The following DAW1 variants were observed in gnomAD, a reference collection of about 807,000 sequenced individuals.
DAW1 encodes dynein assembly factor with WD repeat domains 1.
DAW1 carries 47 observed loss-of-function variants against 56.5 expected under a neutral mutation model. The ratio of observed to expected loss-of-function variants is 0.83; its 90% CI spans 0.66 to 1.06. The LOEUF is 1.06. DAW1 is among the 50% of genes least tolerant of loss of function. DAW1 has a pLI of 0.00. For missense variants in DAW1, 505 were observed against 499.3 expected (o/e 1.01, Z -0.11); for synonymous variants, 190 against 179.0 (o/e 1.06, Z -0.49).
chr2:227,887,340 T>C (rs1298056288), intron 2 of DAW1, among the ~76,000 whole-genome samples: 1 of 152,254 alleles, frequency 6.6e-6, no homozygotes, highest in Non-Finnish European at 1.5e-5. Flanking sequence ...TTGATGATGC[T>C]AGCATGCAGG....
intron 12 of DAW1, 69 bp from the exon 13 acceptor site, chr2:227,923,865 C>A: frequency 6.3e-7 from 1 of 1,582,724 alleles, no homozygotes; most frequent in Non-Finnish European, 8.6e-7. Context: ...AAAATGTCAA[C>A]TTGTAGAAAG....
At chr2:227,901,113 C>T (rs550890027) in intron 6 of DAW1, among the ~76,000 whole-genome samples, 1 of 152,108 alleles carries the variant, frequency 6.6e-6, no homozygotes, top group African/African-American at 2.4e-5. Flanking sequence ...AGTTATCAGC[C>T]AGTTGGGGAT....
intron 1 of DAW1, among the ~76,000 whole-genome samples, chr2:227,883,008 TC>T (rs1691046479): frequency 1.3e-5 from 2 of 152,226 alleles, no homozygotes; most frequent in African/African-American, 4.8e-5. Flanking sequence ...AATACAGTTG[TC>T]TTAAGGAAAA....
At chr2:227,900,317 A>T (rs1161553894) in intron 6 of DAW1, among the ~76,000 whole-genome samples, 2 of 152,200 alleles carry the variant, frequency 1.3e-5, no homozygotes, top group Admixed American at 1.3e-4. Context: ...TTCTTTAGAT[A>T]TAATTCCTAG....
At chr2:227,911,032 T>C (rs1292888382) in intron 10 of DAW1, among the ~76,000 whole-genome samples, 1 of 151,994 alleles carries the variant, frequency 6.6e-6, no homozygotes, top group Non-Finnish European at 1.5e-5. Context: ...ATCTGCATTA[T>C]CTCTCTGACA....
rs534633439 is a variant in DAW1 at position 227,907,163 on chromosome 2, G to A, written c.884G>A (p.Cys295Tyr). ...CTGTGGGATGCTACAAATGGAAAAT[G>A]TGTGGCAACCTTAACAGGCCATGAT... The part of the protein sequence containing the change: ...CKLWDATNGK[C>Y]VATLTGHDDE... Residue 295 changes from cysteine to tyrosine, a missense_variant, in exon 10 of 13, where the codon TGT becomes TAT. Physicochemically the swap from Cys to Tyr is radical, Grantham distance 194. Coordinates refer to ENST00000309931, the MANE Select transcript of DAW1 (RefSeq NM_178821.3). 1.2e-6 allele frequency: 2 copies of A among 1,611,866 alleles called. No homozygotes were observed. The highest frequency in any genetic ancestry group is 2.7e-5 in the African/African-American group (2 of 74,816).
chr2:227,901,208 G>T (rs1269227860), intron 6 of DAW1, among the ~76,000 whole-genome samples: 1 of 152,162 alleles, frequency 6.6e-6, no homozygotes, highest in African/African-American at 2.4e-5. Flanking sequence ...TTACTAAGTA[G>T]TTATGAGGCA....
At chr2:227,916,905 G>T (rs925841818) in intron 10 of DAW1, among the ~76,000 whole-genome samples, 1 of 152,104 alleles carries the variant, frequency 6.6e-6, no homozygotes, top group Admixed American at 6.6e-5. Flanking sequence ...TGATGATCAT[G>T]TATGATGCTA....
At chr2:227,894,413 C>T (rs1246278557) in intron 5 of DAW1, among the ~76,000 whole-genome samples, 9 of 151,518 alleles carry the variant, frequency 5.9e-5, no homozygotes, top group African/African-American at 1.7e-4. Flanking sequence ...GAGACTCTGT[C>T]TTAAAAAAAA....
At chr2:227,898,144 T>G (rs539156471) in intron 5 of DAW1, 38 bp from the exon 6 acceptor site, 1 of 1,412,560 alleles carries the variant, frequency 7.1e-7, no homozygotes, top group South Asian at 1.5e-5. Context: ...ATATAATGTG[T>G]CTTTTTTTAA....
intron 7 of DAW1, 57 bp downstream of exon 7, chr2:227,903,166 G>T: frequency 1.3e-6 from 2 of 1,562,656 alleles, no homozygotes; most frequent in Admixed American, 1.7e-5. Flanking sequence ...TTGTGTTTTT[G>T]TTACAAAATG....
At chr2:227,895,329 G>A (rs1691381863) in intron 5 of DAW1, among the ~76,000 whole-genome samples, 1 of 152,170 alleles carries the variant, frequency 6.6e-6, no homozygotes, top group Non-Finnish European at 1.5e-5. Flanking sequence ...ACCTTTTTTA[G>A]ACAAGCAAGT....
intron 10 of DAW1, among the ~76,000 whole-genome samples, chr2:227,910,524 A>ACACACC (rs756824641): frequency 4.0e-5 from 6 of 150,198 alleles, no homozygotes; most frequent in East Asian, 2.0e-4. Context: ...ACACACACAC[A>ACACACC]CCCCTCATAT....
Position 227,898,223 on chromosome 2 carries a change from T to C in DAW1, c.482T>C (p.Leu161Pro). Residue 161 changes from leucine (L) to proline (P), a missense_variant, in exon 6 of 13, where the codon CTC becomes CCC. Physicochemically the swap from Leu to Pro is moderately conservative, Grantham distance 98. Transcript: ENST00000309931. ...GGGTCCTTTGATAAAACTTGTAAAC[T>C]CTGGAGTGTGGAAACAGGAAAATGT... ...ATGSFDKTCK[L>P]WSVETGKCYH... is the part of the protein sequence containing the mutation. 6.3e-7 allele frequency: 1 copy of C among 1,579,682 alleles called. No homozygotes were observed. Among genetic ancestry groups the C allele is most frequent in the Non-Finnish European group, 8.6e-7 (1 of 1,160,298 alleles).
chr2:227,889,870 C>T lies in DAW1; in HGVS notation c.128C>T (p.Ala43Val), dbSNP rs975748242. 3.3e-5 allele frequency: 53 copies of T among 1,598,350 alleles called. No individual in the cohort carries two copies. Among genetic ancestry groups the T allele is most frequent in the Middle Eastern group, 1.7e-4 (1 of 6,024 alleles). ...LDLGPSTDVSALVEEIQKAEP... is the reference protein window; with the variant it reads ...LDLGPSTDVSVLVEEIQKAEP... Reference sequence around the variant, plus strand: ...GTGTATTTCAGCACTGATGTCAGTGCGTTAGTAGAAGAAATCCAGAAGGCA... The same window carrying T: ...GTGTATTTCAGCACTGATGTCAGTGTGTTAGTAGAAGAAATCCAGAAGGCA... Residue 43 changes from alanine (A) to valine (V), a missense_variant, in exon 3 of 13, where the codon GCG (alanine) becomes GTG (valine). Transcript: ENST00000309931.
intron 10 of DAW1, among the ~76,000 whole-genome samples, chr2:227,914,268 G>T (rs1021907204): frequency 6.6e-6 from 1 of 152,006 alleles, no homozygotes; most frequent in Non-Finnish European, 1.5e-5. Context: ...TGACCATAAT[G>T]TATGATGCTA....
chr2:227,921,496 TTGAGGGGCACAC>T lies in DAW1; in HGVS notation c.1152_1163del (p.Glu384_Thr387del), dbSNP rs1692109774. On this transcript the variant is annotated inframe_deletion, in exon 12 of 13. Coordinates refer to ENST00000309931, the MANE Select transcript of DAW1 (RefSeq NM_178821.3). ...CAGACTGGCCAGTGCCTCCAGGTTC[TTGAGGGGCACAC>T]TGATGAAATCTTTTCATGTGCTTTC... is the stretch of plus-strand genomic sequence containing the variant. 6.2e-7 allele frequency: 1 copy of T among 1,614,060 alleles called. No individual in the cohort carries two copies. Among genetic ancestry groups the T allele is most frequent in the African/African-American group, 1.3e-5 (1 of 75,004 alleles).
chr2:227,918,634 G>A, intron 10 of DAW1, 146 bp from the exon 11 acceptor site: 4 of 803,454 alleles, frequency 5.0e-6, no homozygotes, highest in Non-Finnish European at 7.9e-6. Flanking sequence ...AGAGTATTAA[G>A]TATCTGGCTC....
At chr2:227,878,259 A>G (rs1402381392) in intron 1 of DAW1, among the ~76,000 whole-genome samples, 2 of 152,208 alleles carry the variant, frequency 1.3e-5, no homozygotes, top group African/African-American at 4.8e-5. Flanking sequence ...CATAGTAAAT[A>G]CCCTCATATA....
Sources: allele counts gnomAD v4.1 joint callset (sites outside exome capture counted in the v4.1 genomes callset), GRCh38; gene constraint gnomAD v4.1.1; transcripts MANE v1.5; gene names NCBI Gene and HGNC (gene_info 2026-07-23, HGNC 2026-07-21).